Variants in GART observed in about 807,000 individuals in gnomAD.
The protein encoded by GART is phosphoribosylglycinamide formyltransferase, phosphoribosylglycinamide synthetase, phosphoribosylaminoimidazole synthetase, also known as trifunctional purine biosynthetic protein adenosine-3.
GART carries 43 observed loss-of-function variants against 107.2 expected under a neutral mutation model. The observed-to-expected ratio is 0.40, with a 90% CI of 0.31 to 0.52. The LOEUF is 0.52. Ranked by LOEUF, GART falls within the 20% of genes least tolerant of loss-of-function variation. The pLI, the probability that GART is intolerant of heterozygous loss-of-function variation, is 0.52. For synonymous variants in GART, 434 were observed against 427.0 expected, an observed-to-expected ratio of 1.02 and a Z score of -0.20; for missense variants, 1,107 against 1,206.5, an observed-to-expected ratio of 0.92 and a Z score of 1.22.
rs1229474630 is a variant in GART, at chr21:33,503,945, T to C, written c.*179A>G. ...AGAAAACTGTATGTCTCAGATATGC[T>C]GCACTAACTAGTCTTGTTTTTAGTG... On this transcript the variant is annotated 3_prime_UTR_variant, in exon 22 of 22. Transcript: ENST00000381815. The C allele has an allele frequency of 6.0e-6, 3 of 504,158 alleles. No homozygotes were observed. The highest frequency in any genetic ancestry group is 1.0e-5 in the Non-Finnish European group (3 of 290,922). The allele number at this position is 504,158 out of a possible 1,614,324, so 31.2% of individuals were successfully genotyped here.
chr21:33,541,446 G>A (rs534744431), intron 1 of GART, among the ~76,000 whole-genome samples: 1 of 152,350 alleles, frequency 6.6e-6, no homozygotes, highest in East Asian at 1.9e-4. Flanking sequence ...GAAATAAACA[G>A]ATCTTTAAAT....
chr21:33,524,357 TTG>T, intron 11 of GART: 1 of 796,936 alleles, frequency 1.3e-6, no homozygotes, highest in Non-Finnish European at 1.5e-6. Context: ...CAGACTGGCC[TTG>T]GCAACATGGT....
At chr21:33,536,040 A>G (rs1281109440) in intron 2 of GART, among the ~76,000 whole-genome samples, 8 of 152,140 alleles carry the variant, frequency 5.3e-5, no homozygotes, top group African/African-American at 1.9e-4. Context: ...CTCAAAAAAA[A>G]AAAAATTTAT....
At chr21:33,505,819 A>G (rs1027670934) in intron 19 of GART, 117 bp from the exon 20 acceptor site, 1 of 1,346,294 alleles carries the variant, frequency 7.4e-7, no homozygotes, top group African/African-American at 1.5e-5. Context: ...TGATAGAGAG[A>G]TTATTAAGAA....
intron 11 of GART, among the ~76,000 whole-genome samples, chr21:33,523,173 G>C (rs2085003056): frequency 6.6e-6 from 1 of 152,158 alleles, no homozygotes; most frequent in Non-Finnish European, 1.5e-5. Context: ...ACTCTGGCCT[G>C]CTGGGATGCA....
intron 16 of GART, among the ~76,000 whole-genome samples, chr21:33,513,107 G>C (rs200689035): frequency 0.066 from 973 of 14,640 alleles, 3 homozygotes; most frequent in Admixed American, 0.12. Context: ...GTGTGTCTCT[G>C]TGTGTGTGTG....
rs2084898817 is a variant in GART at position 33,517,445 on chromosome 21, A to G, written c.1866T>C (p.Asn622=). 2 of 1,614,094 alleles carry G rather than the reference A, an allele frequency of 1.2e-6. No individual in the cohort carries two copies. Among genetic ancestry groups the G allele is most frequent in the South Asian group, 1.1e-5 (1 of 91,090 alleles). ...VGIASSGLHS[N]GFSLVRKIVA... The stretch of plus-strand genomic sequence containing the variant: ...CGATTTTCCTCACAAGGCTAAATCC[A>G]TTGCTATGAAGACCAGATGAAGCTA... Residue 622 remains asparagine, a synonymous_variant, in exon 15 of 22, where the codon AAT becomes AAC. Coordinates refer to ENST00000381815, the MANE Select transcript of GART (RefSeq NM_000819.5).
rs1393094380 is a variant in GART at position 33,505,571 on chromosome 21, T to C, written c.2715A>G (p.Gln905=). ...FMRILSGPFV[Q]KWNGKMLNIH... ...ATAATTTTTGCTTACCATTCCACTT[T>C]TGGACAAAGGGGCCAGAAAGAATTC... The change falls in exon 20 of 22, where the codon CAA becomes CAG. Residue 905 remains glutamine (Q), a synonymous_variant. Coordinates refer to ENST00000381815, the MANE Select transcript of GART (RefSeq NM_000819.5). 18 of 1,591,396 alleles carry C rather than the reference T, an allele frequency of 1.1e-5. No individual in the cohort carries two copies. Among genetic ancestry groups the C allele is most frequent in the Non-Finnish European group, 1.5e-5 (18 of 1,173,020 alleles).
chr21:33,542,635 C>G (rs1173787988), upstream of GART: 1 of 163,646 alleles, frequency 6.1e-6, no homozygotes, highest in African/African-American at 2.4e-5. Flanking sequence ...ATGCATATCC[C>G]TGTCGAAACT....
upstream of GART, chr21:33,542,863 G>A (rs2085480697): frequency 1.7e-6 from 1 of 587,576 alleles, no homozygotes; most frequent in Non-Finnish European, 3.0e-6. Flanking sequence ...GGCGGACATA[G>A]TCGTGCGCGG....
In GART at chr21:33,528,342, A is replaced by G. The variant is rs112797736; in HGVS notation, c.898-7T>C. ...TAAGAAGTGGGAGGATTACCTGGAA[A>G]AACATAATCCACATGGCAGGTGGGA... is the stretch of plus-strand genomic sequence containing the variant. On this transcript the variant is annotated splice_region_variant and splice_polypyrimidine_tract_variant and intron_variant, in intron 9 of 21. Transcript: ENST00000381815. The G allele has an allele frequency of 2.2e-5, 36 of 1,613,242 alleles. No individual in the cohort carries two copies. Among genetic ancestry groups the G allele is most frequent in the Non-Finnish European group, 3.0e-5 (35 of 1,179,514 alleles).
chr21:33,517,171 T>A (rs1205744833), intron 15 of GART, 30 bp from the exon 16 acceptor site: 1 of 1,586,278 alleles, frequency 6.3e-7, no homozygotes, highest in Non-Finnish European at 8.5e-7. Context: ...GACAAAAACT[T>A]AGCCTATGAA....
chr21:33,510,563 C>T (rs1410245270), intron 17 of GART, among the ~76,000 whole-genome samples: 1 of 152,090 alleles, frequency 6.6e-6, no homozygotes, highest in Non-Finnish European at 1.5e-5. Flanking sequence ...ATCTCCTGAC[C>T]TCGTGATCCA....
chr21:33,534,522 T>G, intron 4 of GART, 57 bp downstream of exon 4: 2 of 1,588,524 alleles, frequency 1.3e-6, no homozygotes, highest in Non-Finnish European at 8.6e-7. Context: ...GCCACTGACC[T>G]GTGTATTTAA....
chr21:33,512,289 GAAAAAAAAAAA>G (rs563178142), intron 16 of GART, among the ~76,000 whole-genome samples: 7 of 65,446 alleles, frequency 1.1e-4, no homozygotes, highest in Admixed American at 2.2e-4. Flanking sequence ...GACTCAAATT[GAAAAAAAAAAA>G]AAAAAAAAAA....
At chr21:33,532,551 G>T in intron 4 of GART, 95 bp from the exon 5 acceptor site, 1 of 880,724 alleles carries the variant, frequency 1.1e-6, no homozygotes. Context: ...CTATAGCAAT[G>T]ACTGAAAAGC....
intron 16 of GART, among the ~76,000 whole-genome samples, chr21:33,513,105 C>CTGTGTGTGTGTG (rs3057407): frequency 6.9e-6 from 1 of 144,556 alleles, no homozygotes; most frequent in Non-Finnish European, 1.5e-5. Flanking sequence ...GTGTGTGTCT[C>CTGTGTGTGTGTG]TGTGTGTGTG....
chr21:33,537,525 G>A (rs551017221), intron 2 of GART, among the ~76,000 whole-genome samples: 183 of 152,144 alleles, frequency 1.2e-3, no homozygotes, highest in Non-Finnish European at 2.4e-3. Flanking sequence ...AGACAATAGT[G>A]AAGTAAAAAT....
chr21:33,538,913 T>C (rs1238753889), intron 2 of GART, among the ~76,000 whole-genome samples: 1 of 152,112 alleles, frequency 6.6e-6, no homozygotes. Flanking sequence ...CCCGAGTAGC[T>C]GGGACTACAG....
Sources: gnomAD v4.1 joint callset for allele counts (sites outside exome capture counted in the v4.1 genomes callset) on GRCh38, gnomAD v4.1.1 for gene constraint, MANE v1.5 for transcripts, NCBI Gene and HGNC (gene_info 2026-07-23, HGNC 2026-07-21) for gene names.